Variants in DNAJB14 observed in about 807,000 individuals in gnomAD.
DNAJB14 encodes the protein dnaJ homolog subfamily B member 14.
In DNAJB14, 22 loss-of-function variants were observed where a neutral mutation model predicts 48.4. That is an observed-to-expected ratio of 0.45 (90% CI 0.32 to 0.65). The LOEUF (loss-of-function observed/expected upper bound fraction) is 0.65. Among genes scored for constraint, DNAJB14 ranks in the 30% least tolerant of loss-of-function variants. The pLI is 0.03. For synonymous variants in DNAJB14, 142 were observed against 158.7 expected (o/e 0.89, Z 0.79); for missense variants, 319 against 458.8 (o/e 0.70, Z 2.78).
chr4:99,902,343 G>A (rs1328531388), intron 7 of DNAJB14, among the ~76,000 whole-genome samples: 1 of 148,296 alleles, frequency 6.7e-6, no homozygotes, highest in Non-Finnish European at 1.5e-5. Context: ...ATCCCATGAT[G>A]ACACACAAAA....
chr4:99,942,899 T>C (rs74684381), intron 1 of DNAJB14, among the ~76,000 whole-genome samples: 44 of 152,284 alleles, frequency 2.9e-4, no homozygotes, highest in African/African-American at 1.0e-3. Flanking sequence ...TTCTGAGTTA[T>C]AAGAATTTGG....
At chr4:99,901,745 C>T (rs1472005856) in intron 7 of DNAJB14, among the ~76,000 whole-genome samples, 1 of 152,128 alleles carries the variant, frequency 6.6e-6, no homozygotes, top group African/African-American at 2.4e-5. Flanking sequence ...TAATGATATA[C>T]AGACTACAAA....
At chr4:99,924,974 G>C in intron 2 of DNAJB14, 2 of 609,356 alleles carry the variant, frequency 3.3e-6, no homozygotes, top group South Asian at 3.9e-5. Flanking sequence ...ATGTTTTGCT[G>C]TAGAAATGTT....
chr4:99,925,226 G>C (rs112288951), intron 2 of DNAJB14: 1 of 160,804 alleles, frequency 6.2e-6, no homozygotes, highest in East Asian at 1.8e-4. Flanking sequence ...TAAATGCTAC[G>C]TAAATGGTTG....
chr4:99,935,378 A>G (rs1396066878), intron 1 of DNAJB14, among the ~76,000 whole-genome samples: 1 of 152,336 alleles, frequency 6.6e-6, no homozygotes, highest in East Asian at 1.9e-4. Context: ...AATAACTTCA[A>G]GCAGTAAAGC....
In DNAJB14 at chr4:99,923,128, A is replaced by G. The variant is rs1435845400; in HGVS notation, c.363T>C (p.Asp121=). ...TTCTATAAGCTTTTTTCAAATCTTCATCACCAGCATCTTTCGTAACTCCAA... is the reference window on the plus strand; with the variant it reads ...TTCTATAAGCTTTTTTCAAATCTTCGTCACCAGCATCTTTCGTAACTCCAA... ...EVLGVTKDAG[D]EDLKKAYRKL... Residue 121 remains aspartate (D), a synonymous_variant, in exon 3 of 8, where the codon GAT becomes GAC. Transcript: ENST00000442697. 6.2e-7 allele frequency: 1 copy of G among 1,612,874 alleles called. No homozygotes were observed. Among genetic ancestry groups the G allele is most frequent in the Admixed American group, 1.7e-5 (1 of 59,876 alleles).
intron 1 of DNAJB14, among the ~76,000 whole-genome samples, chr4:99,933,460 T>G (rs1726556575): frequency 6.6e-6 from 1 of 151,886 alleles, no homozygotes; most frequent in Non-Finnish European, 1.5e-5. Context: ...ACCTGGCTAA[T>G]TTTTTGATTT....
At chr4:99,911,168 T>C (rs1444171853) in intron 3 of DNAJB14, among the ~76,000 whole-genome samples, 4 of 152,156 alleles carry the variant, frequency 2.6e-5, no homozygotes, top group African/African-American at 9.6e-5. Flanking sequence ...TGAAACCTTT[T>C]GGGATTGGCT....
chr4:99,923,857 A>G, intron 2 of DNAJB14: 2 of 985,234 alleles, frequency 2.0e-6, no homozygotes, highest in Non-Finnish European at 2.4e-6. Flanking sequence ...TATGCCAAAG[A>G]TAATTTATCT....
At chr4:99,924,034 T>C (rs951928711) in intron 2 of DNAJB14, among the ~76,000 whole-genome samples, 2 of 152,160 alleles carry the variant, frequency 1.3e-5, no homozygotes, top group East Asian at 3.8e-4. Flanking sequence ...TAAAGTATAT[T>C]AGGATTAGAA....
intron 1 of DNAJB14, among the ~76,000 whole-genome samples, chr4:99,938,262 T>TA (rs924808178): frequency 4.9e-5 from 6 of 121,992 alleles, no homozygotes; most frequent in African/African-American, 1.9e-4. Flanking sequence ...TCATCAAAAA[T>TA]ACCAAGGTCA....
chr4:99,945,212 C>T (rs1399218638), intron 1 of DNAJB14, among the ~76,000 whole-genome samples: 1 of 152,128 alleles, frequency 6.6e-6, no homozygotes, highest in Non-Finnish European at 1.5e-5. Context: ...GGTTTTTAAA[C>T]CACAACTTAA....
intron 3 of DNAJB14, among the ~76,000 whole-genome samples, chr4:99,920,920 A>T (rs970326307): frequency 6.6e-6 from 1 of 152,218 alleles, no homozygotes; most frequent in African/African-American, 2.4e-5. Context: ...AAAAAAGACA[A>T]TAGTATTGTC....
chr4:99,903,907 G>A lies in DNAJB14; in HGVS notation c.843-9C>T, dbSNP rs767768727. 6.2e-7 allele frequency: 1 copy of A among 1,605,616 alleles called. No homozygotes were observed. The highest frequency in any genetic ancestry group is 8.5e-7 in the Non-Finnish European group (1 of 1,177,434). ...TAGTTTGCCCAGTTCCACTGTAAAA[G>A]AGATGCATCATTATTTTAATTAAAA... is the stretch of plus-strand genomic sequence containing the variant. On this transcript the variant is annotated splice_polypyrimidine_tract_variant and intron_variant, in intron 6 of 7. Transcript: ENST00000442697.
intron 1 of DNAJB14, among the ~76,000 whole-genome samples, chr4:99,935,984 C>T (rs1309330398): frequency 6.6e-6 from 1 of 152,172 alleles, no homozygotes; most frequent in Non-Finnish European, 1.5e-5. Flanking sequence ...AGGAGAATCA[C>T]TTGAACCCAA....
intron 3 of DNAJB14, among the ~76,000 whole-genome samples, chr4:99,921,542 T>C (rs180746792): frequency 3.2e-4 from 48 of 152,328 alleles, no homozygotes; most frequent in Admixed American, 7.2e-4. Context: ...TTAGCATTAA[T>C]AAAGAATTAA....
At chr4:99,936,481 C>T (rs558764528) in intron 1 of DNAJB14, among the ~76,000 whole-genome samples, 96 of 152,266 alleles carry the variant, frequency 6.3e-4, no homozygotes, top group African/African-American at 2.1e-3. Flanking sequence ...CATGCATTCA[C>T]GCATACATTT....
At chr4:99,940,960 TTG>T (rs1172603800) in intron 1 of DNAJB14, among the ~76,000 whole-genome samples, 2 of 147,232 alleles carry the variant, frequency 1.4e-5, no homozygotes, top group African/African-American at 5.2e-5. Context: ...TATTTTTTTT[TTG>T]GAACACTTGG....
At chr4:99,904,890 T>C (rs548658122) in intron 6 of DNAJB14, among the ~76,000 whole-genome samples, 2 of 152,200 alleles carry the variant, frequency 1.3e-5, no homozygotes, top group Admixed American at 1.3e-4. Flanking sequence ...TATACTGTGT[T>C]TTTATAAAGT....
Sources: allele counts gnomAD v4.1 joint callset (sites outside exome capture counted in the v4.1 genomes callset), GRCh38; gene constraint gnomAD v4.1.1; transcripts MANE v1.5; gene names NCBI Gene and HGNC (gene_info 2026-07-23, HGNC 2026-07-21).